Variants in PPIF observed in about 807,000 individuals in gnomAD.
PPIF encodes the protein peptidyl-prolyl cis-trans isomerase F, mitochondrial.
A neutral mutation model predicts 20.2 loss-of-function variants in PPIF; 23 were observed. The observed-to-expected ratio is 1.14, with a 90% CI of 0.82 to 1.61. The LOEUF (loss-of-function observed/expected upper bound fraction) is 1.61, where lower values mean the gene tolerates loss of function less well. PPIF is among the 40% of genes most tolerant of loss of function. PPIF has a pLI of 0.00. For synonymous variants in PPIF, 113 were observed against 123.1 expected (o/e 0.92, Z 0.54); for missense variants, 287 against 291.6 (o/e 0.98, Z 0.11).
chr10:79,353,959 G>T lies in PPIF; in HGVS notation c.*117G>T. ...TACGTGTGCCCACTCCACTGTCACA[G>T]TGTGCCTGAGGAAGGCTGCTAGGGA... On this transcript the variant is annotated 3_prime_UTR_variant, in exon 6 of 6. Coordinates refer to ENST00000225174, the MANE Select transcript of PPIF (RefSeq NM_005729.4). 1 of 1,193,104 alleles carries T rather than the reference G, an allele frequency of 8.4e-7. No individual in the cohort carries two copies. Among genetic ancestry groups the T allele is most frequent in the Non-Finnish European group, 1.2e-6 (1 of 844,318 alleles). The allele number at this position is 1,193,104 out of a possible 1,614,324, so 73.9% of individuals were successfully genotyped here. A position where few individuals can be genotyped will look rare whatever the true frequency, so the allele number is the denominator to read the frequency against.
At position 79,347,563 on chromosome 10, in the gene PPIF, C is replaced by G; in HGVS notation, c.15C>G (p.Arg5=). The change falls in exon 1 of 6, where the codon CGC becomes CGG. Residue 5 remains arginine, a synonymous_variant. Coordinates refer to ENST00000225174, the MANE Select transcript of PPIF (RefSeq NM_005729.4). Reference sequence around the variant, plus strand: ...CCGCGCCCGCGATGCTGGCGCTGCGCTGCGGCTCCCGCTGGCTCGGCCTGC... The same window carrying G: ...CCGCGCCCGCGATGCTGGCGCTGCGGTGCGGCTCCCGCTGGCTCGGCCTGC... MLAL[R]CGSRWLGLLS... 7.4e-7 allele frequency: 1 copy of G among 1,349,324 alleles called. No homozygotes were observed. Among genetic ancestry groups the G allele is most frequent in the Non-Finnish European group, 9.5e-7 (1 of 1,052,112 alleles). 83.6% of individuals were successfully genotyped at this position (1,349,324 alleles called of 1,614,324 possible).
chr10:79,353,182 G>A (rs895538356), intron 5 of PPIF, among the ~76,000 whole-genome samples: 6 of 152,242 alleles, frequency 3.9e-5, no homozygotes, highest in African/African-American at 1.4e-4. Flanking sequence ...TGGGACCCCA[G>A]TGGATCCTGC....
chr10:79,347,733 TG>T lies in PPIF; in HGVS notation c.187del (p.Val63CysfsTer4). On this transcript the variant is annotated frameshift_variant, in exon 1 of 6. Transcript: ENST00000225174. LOFTEE classifies it high-confidence loss of function. ...GCCAACGGGAAGCCGCTCGGCCGCGTGGTGCTGGAGGTGAGACCGCTCGCAG... is the reference window on the plus strand; with the variant it reads ...GCCAACGGGAAGCCGCTCGGCCGCGTGTGCTGGAGGTGAGACCGCTCGCAG... ...VDANGKPLGR[V>X]VLELKADVVP... The T allele has an allele frequency of 7.0e-7, 1 of 1,423,036 alleles. No individual in the cohort carries two copies. Among genetic ancestry groups the T allele is most frequent in the Non-Finnish European group, 9.2e-7 (1 of 1,081,544 alleles). 88.2% of individuals were successfully genotyped at this position (1,423,036 alleles called of 1,614,324 possible). A position where few individuals can be genotyped will look rare whatever the true frequency, so the allele number is the denominator to read the frequency against.
chr10:79,352,176 G>T, intron 4 of PPIF, 141 bp from the exon 5 acceptor site: 1 of 712,524 alleles, frequency 1.4e-6, no homozygotes, highest in Non-Finnish European at 2.4e-6. Context: ...GCTGGTATCG[G>T]GCCCTGGTTC....
At chr10:79,353,546 G>C in intron 5 of PPIF, 161 bp from the exon 6 acceptor site, 1 of 1,280,570 alleles carries the variant, frequency 7.8e-7, no homozygotes, top group Non-Finnish European at 1.1e-6. Flanking sequence ...TGTATTTGGG[G>C]CGCTCAACAA....
intron 3 of PPIF, chr10:79,350,021 A>C (rs1418118509): frequency 6.6e-6 from 4 of 604,214 alleles, no homozygotes; most frequent in Non-Finnish European, 1.1e-5. Context: ...TGGGAGATGG[A>C]TGTGCTGGGG....
In PPIF at chr10:79,347,578, G is replaced by A. The variant is rs1295008173; in HGVS notation, c.30G>A (p.Trp10Ter). 7.2e-7 allele frequency: 1 copy of A among 1,386,664 alleles called. No individual in the cohort carries two copies. Among genetic ancestry groups the A allele is most frequent in the Non-Finnish European group, 9.4e-7 (1 of 1,068,378 alleles). The allele number at this position is 1,386,664 out of a possible 1,614,324, so 85.9% of individuals were successfully genotyped here. A position where few individuals can be genotyped will look rare whatever the true frequency, so the allele number is the denominator to read the frequency against. MLALRCGSRWLGLLSVPRSV... is the reference protein window; with the variant it reads MLALRCGSR ...TGGCGCTGCGCTGCGGCTCCCGCTG[G>A]CTCGGCCTGCTCTCCGTCCCGCGCT... The change falls in exon 1 of 6, where the codon TGG (tryptophan) becomes TGA (stop). Residue 10 changes from tryptophan (W) to a stop codon, truncating the protein, a stop_gained. Transcript: ENST00000225174. LOFTEE classifies it high-confidence loss of function.
chr10:79,353,064 A>C (rs535940215), intron 5 of PPIF, among the ~76,000 whole-genome samples: 1 of 152,330 alleles, frequency 6.6e-6, no homozygotes, highest in South Asian at 2.1e-4. Flanking sequence ...GATTTTAGGG[A>C]GACCTAGGTG....
Position 79,353,697 on chromosome 10 carries a change from G to T in PPIF, c.489-10G>T. The stretch of plus-strand genomic sequence containing the variant: ...ACACTGTTGCTCACCCGGGTCACCC[G>T]TCCTCACAGGTTGGATGGCAAGCAT... On this transcript the variant is annotated splice_polypyrimidine_tract_variant and intron_variant, in intron 5 of 5. Transcript: ENST00000225174. 1 of 1,614,222 alleles carries T rather than the reference G, an allele frequency of 6.2e-7. No homozygotes were observed. The highest frequency in any genetic ancestry group is 8.5e-7 in the Non-Finnish European group (1 of 1,180,046).
At chr10:79,348,223 G>C (rs1009767979) in intron 1 of PPIF, among the ~76,000 whole-genome samples, 3 of 152,272 alleles carry the variant, frequency 2.0e-5, no homozygotes. Flanking sequence ...GAAATGGAGC[G>C]AGAGGTGGTT....
chr10:79,349,780 G>T (rs1855955621), intron 3 of PPIF, 27 bp downstream of exon 3: 1 of 1,613,418 alleles, frequency 6.2e-7, no homozygotes, highest in Non-Finnish European at 8.5e-7. Context: ...TTCTGTAAGG[G>T]GGGATGAGAG....
Position 79,349,751 on chromosome 10 carries a change from CA to C in PPIF, c.314del (p.Gln105ArgfsTer28). 6.2e-7 allele frequency: 1 copy of C among 1,613,984 alleles called. No homozygotes were observed. The highest frequency in any genetic ancestry group is 8.5e-7 in the Non-Finnish European group (1 of 1,180,004). ...FHRVIPSFMC[Q>X]AGDFTNHNGT... is the part of the protein sequence containing the mutation. ...CAGGGTGATCCCTTCCTTCATGTGCCAGGTAATGTAGTTTCCTCTTCTGTAA... is the reference window on the plus strand; with the variant it reads ...CAGGGTGATCCCTTCCTTCATGTGCCGGTAATGTAGTTTCCTCTTCTGTAA... On this transcript the variant is annotated frameshift_variant and splice_region_variant, in exon 3 of 6. Transcript: ENST00000225174. LOFTEE classifies it high-confidence loss of function.
chr10:79,348,892 G>C (rs1264343653), intron 1 of PPIF, among the ~76,000 whole-genome samples, 184 bp from the exon 2 acceptor site: 1 of 152,236 alleles, frequency 6.6e-6, no homozygotes, highest in Non-Finnish European at 1.5e-5. Flanking sequence ...TTGGGTTCAG[G>C]AAACGGCTCC....
intron 5 of PPIF, among the ~76,000 whole-genome samples, chr10:79,353,395 G>A (rs1402222997): frequency 3.9e-5 from 6 of 152,204 alleles, no homozygotes; most frequent in African/African-American, 1.4e-4. Flanking sequence ...GAGCATTTCA[G>A]TATCCTGTTA....
In PPIF at chr10:79,353,756, G is replaced by T. The variant is rs368661950; in HGVS notation, c.538G>T (p.Val180Phe). Residue 180 changes from valine (V) to phenylalanine (F), a missense_variant, in exon 6 of 6, where the codon GTC becomes TTC. By Grantham distance (50) the Val-to-Phe change is conservative. Coordinates refer to ENST00000225174, the MANE Select transcript of PPIF (RefSeq NM_005729.4). ...VFGHVKEGMDVVKKIESFGSK... is the reference protein window; with the variant it reads ...VFGHVKEGMDFVKKIESFGSK... ...CGGTCACGTCAAAGAGGGCATGGAC[G>T]TCGTGAAGAAAATAGAATCTTTCGG... The T allele has an allele frequency of 3.9e-5, 63 of 1,614,136 alleles. No individual in the cohort carries two copies. The South Asian group carries it at 6.7e-4, about 17-fold the overall frequency.
Position 79,351,479 on chromosome 10 carries a change from GCTCACAGGCGGGCGA to G in PPIF, c.316-5_325del, listed in dbSNP as rs781239499. The stretch of plus-strand genomic sequence containing the variant: ...GGTAGCCACTCAGAAGGTGCTTTGT[GCTCACAGGCGGGCGA>G]CTTCACCAACCACAATGGCACAGGC... On this transcript the variant is annotated splice_acceptor_variant and splice_polypyrimidine_tract_variant and coding_sequence_variant and intron_variant, in exon 4 of 6. Coordinates refer to ENST00000225174, the MANE Select transcript of PPIF (RefSeq NM_005729.4). LOFTEE classifies it high-confidence loss of function. 1.7e-5 allele frequency: 27 copies of G among 1,613,882 alleles called. No individual in the cohort carries two copies. The highest frequency in any genetic ancestry group is 2.2e-5 in the Non-Finnish European group (26 of 1,179,864).
chr10:79,349,927 A>G (rs957109731), intron 3 of PPIF, 174 bp downstream of exon 3: 1 of 1,382,092 alleles, frequency 7.2e-7, no homozygotes, highest in Admixed American at 2.6e-5. Context: ...ATGGAAGCCC[A>G]GCCCCAACCC....
chr10:79,353,519 C>T, intron 5 of PPIF, 188 bp from the exon 6 acceptor site: 1 of 971,658 alleles, frequency 1.0e-6, no homozygotes. Context: ...GTCCTGGAAG[C>T]CAGGCATCCT....
At chr10:79,347,879 A>G (rs1855921505) in intron 1 of PPIF, 136 bp downstream of exon 1, 1 of 1,200,120 alleles carries the variant, frequency 8.3e-7, no homozygotes, top group Non-Finnish European at 1.0e-6. Flanking sequence ...CAGTTTCCCC[A>G]TTTCTGAGAA....
Sources: gnomAD v4.1 joint callset for allele counts (sites outside exome capture counted in the v4.1 genomes callset) on GRCh38, gnomAD v4.1.1 for gene constraint, MANE v1.5 for transcripts, NCBI Gene and HGNC (gene_info 2026-07-23, HGNC 2026-07-21) for gene names.